The following ZNF573 variants were observed in gnomAD, a reference collection of about 807,000 sequenced individuals.
ZNF573 encodes zinc finger protein 573.
ZNF573 carries 41 observed loss-of-function variants against 57.4 expected under a neutral mutation model. That is an observed-to-expected ratio of 0.71 (90% CI 0.56 to 0.93). ZNF573 has a LOEUF of 0.93. Among genes scored for constraint, ZNF573 ranks in the 40% least tolerant of loss-of-function variants. The pLI, the probability that ZNF573 is intolerant of heterozygous loss-of-function variation, is 0.00. For missense variants in ZNF573, 730 were observed against 794.8 expected, an observed-to-expected ratio of 0.92 and a Z score of 0.98; for synonymous variants, 249 against 261.0, an observed-to-expected ratio of 0.95 and a Z score of 0.44.
chr19:37,750,175 T>C (rs1388459688), intron 4 of ZNF573, among the ~76,000 whole-genome samples: 1 of 151,734 alleles, frequency 6.6e-6, no homozygotes, highest in East Asian at 1.9e-4. Context: ...CTCCGCCTCC[T>C]GGGTTCAAGC....
chr19:37,752,444 C>A (rs2045447280), intron 4 of ZNF573, among the ~76,000 whole-genome samples: 2 of 151,992 alleles, frequency 1.3e-5, no homozygotes. Context: ...AGTATTGATA[C>A]CTCCTATTAT....
In ZNF573 at chr19:37,773,631, A is replaced by G; in HGVS notation, c.69+30T>C. The G allele has an allele frequency of 2.7e-6, 4 of 1,506,070 alleles. No individual in the cohort carries two copies. In the South Asian group the frequency reaches 4.8e-5, roughly 18 times the overall value. The allele number at this position is 1,506,070 out of a possible 1,614,324, so 93.3% of individuals were successfully genotyped here. A position where few individuals can be genotyped will look rare whatever the true frequency, so the allele number is the denominator to read the frequency against. ...CATCCACATAACCTATGATCATGAT[A>G]TTGCAAGGAAACAGAATTAATCAAC... On this transcript the variant is annotated intron_variant, in intron 2 of 4. Coordinates refer to ENST00000536220, the MANE Select transcript of ZNF573 (RefSeq NM_001172690.2).
intron 4 of ZNF573, among the ~76,000 whole-genome samples, chr19:37,760,829 A>G (rs2145311448): frequency 6.6e-6 from 1 of 152,130 alleles, no homozygotes; most frequent in African/African-American, 2.4e-5. Flanking sequence ...CTGAAGAAAA[A>G]AAAAAAAATG....
intron 1 of ZNF573, among the ~76,000 whole-genome samples, chr19:37,777,502 G>T (rs558341940): frequency 1.3e-5 from 2 of 152,268 alleles, no homozygotes; most frequent in South Asian, 4.1e-4. Context: ...GATGCAACCT[G>T]AATGGAGTTG....
chr19:37,761,468 C>A (rs2045552613), intron 4 of ZNF573, among the ~76,000 whole-genome samples: 1 of 152,148 alleles, frequency 6.6e-6, no homozygotes, highest in South Asian at 2.1e-4. Context: ...CAAGGCAAGT[C>A]ATGGAAACCA....
At position 37,771,637 on chromosome 19, in the gene ZNF573, T is replaced by TTC; in HGVS notation, c.127_128dup (p.Tyr44AsnfsTer14). ...AGTCCCTCTGATTAGGGTCCAGGTATTCCCACTCCTGCCGAGAGAAGTCTA... is the reference window on the plus strand; with the variant it reads ...AGTCCCTCTGATTAGGGTCCAGGTATTCTCCCACTCCTGCCGAGAGAAGTCTA... On this transcript the variant is annotated frameshift_variant, in exon 3 of 5. Transcript: ENST00000536220. LOFTEE classifies it high-confidence loss of function. 1 of 1,603,118 alleles carries TTC rather than the reference T, an allele frequency of 6.2e-7. No individual in the cohort carries two copies. Among genetic ancestry groups the TTC allele is most frequent in the Non-Finnish European group, 8.5e-7 (1 of 1,176,416 alleles).
intron 4 of ZNF573, among the ~76,000 whole-genome samples, chr19:37,767,854 C>T (rs1234818273): frequency 6.6e-6 from 1 of 151,898 alleles, no homozygotes; most frequent in Non-Finnish European, 1.5e-5. Context: ...TAGAGACTTG[C>T]GAAAACTTAA....
chr19:37,768,531 T>A (rs1438378009), intron 4 of ZNF573, among the ~76,000 whole-genome samples: 1 of 152,150 alleles, frequency 6.6e-6, no homozygotes, highest in African/African-American at 2.4e-5. Context: ...TTATACCATG[T>A]CTCTTTCCAA....
At chr19:37,745,320 G>A (rs1313075103) in intron 4 of ZNF573, among the ~76,000 whole-genome samples, 1 of 151,746 alleles carries the variant, frequency 6.6e-6, no homozygotes, top group Admixed American at 6.6e-5. Context: ...CAAGTGATTT[G>A]CTTCTGTCTG....
intron 4 of ZNF573, chr19:37,755,313 G>C (rs1315788289): frequency 1.3e-5 from 2 of 152,176 alleles, no homozygotes; most frequent in African/African-American, 4.8e-5. Context: ...TAATTACAAT[G>C]CTTATCTCTG....
intron 3 of ZNF573, among the ~76,000 whole-genome samples, chr19:37,771,100 A>C (rs1181253863): frequency 6.6e-6 from 1 of 151,308 alleles, no homozygotes; most frequent in Admixed American, 6.6e-5. Flanking sequence ...AATATTGTTC[A>C]TCTAATCCAG....
chr19:37,777,738 T>TAAA (rs34200330), intron 1 of ZNF573, among the ~76,000 whole-genome samples: 3 of 108,480 alleles, frequency 2.8e-5, no homozygotes, highest in Non-Finnish European at 5.7e-5. Context: ...GCCTTTGTCA[T>TAAA]AAAAAAAAAA....
In ZNF573 at chr19:37,774,108, C is replaced by CGTTCAAACTAGAA. The variant is rs550559634; in HGVS notation, c.-22-370_-22-358dup. Reference sequence around the variant, plus strand: ...CTTCCAAGGCTGAGAGAGGACTTATCGTTCAAACTAGAAGCTTCTTTTTTT... The same window carrying CGTTCAAACTAGAA: ...CTTCCAAGGCTGAGAGAGGACTTATCGTTCAAACTAGAAGTTCAAACTAGAAGCTTCTTTTTTT... On this transcript the variant is annotated intron_variant, in intron 1 of 4. Transcript: ENST00000536220. Among the ~76,000 whole-genome samples the CGTTCAAACTAGAA allele has an allele frequency of 9.4e-4, 134 of 142,462 alleles. 1 individual carries two copies. Among genetic ancestry groups the CGTTCAAACTAGAA allele is most frequent in the African/African-American group, 3.0e-3 (116 of 38,312 alleles). 93.5% of individuals were successfully genotyped at this position (142,462 alleles called of 152,430 possible). A position where few individuals can be genotyped will look rare whatever the true frequency, so the allele number is the denominator to read the frequency against.
At chr19:37,760,568 A>G (rs968773623) in intron 4 of ZNF573, among the ~76,000 whole-genome samples, 8 of 152,202 alleles carry the variant, frequency 5.3e-5, no homozygotes, top group Admixed American at 4.6e-4. Flanking sequence ...TCAAGCCTGT[A>G]ATCCCAGCAC....
intron 4 of ZNF573, among the ~76,000 whole-genome samples, chr19:37,743,520 A>T (rs746867024): frequency 7.0e-4 from 106 of 152,134 alleles, no homozygotes; most frequent in Non-Finnish European, 1.2e-3. Context: ...GAGAAATAGG[A>T]ATACTTTTAT....
intron 4 of ZNF573, among the ~76,000 whole-genome samples, chr19:37,768,618 C>T (rs2045622905): frequency 6.6e-6 from 1 of 152,186 alleles, no homozygotes; most frequent in South Asian, 2.1e-4. Context: ...TCTACCATTG[C>T]TTATTCCACT....
At chr19:37,761,634 C>CGGAA (rs2045554202) in intron 4 of ZNF573, among the ~76,000 whole-genome samples, 1 of 152,166 alleles carries the variant, frequency 6.6e-6, no homozygotes, top group Admixed American at 6.5e-5. Flanking sequence ...TCCCCCATTC[C>CGGAA]GGAAGGAAGG....
chr19:37,744,819 T>A (rs2045364771), intron 4 of ZNF573, among the ~76,000 whole-genome samples: 1 of 151,484 alleles, frequency 6.6e-6, no homozygotes, highest in Non-Finnish European at 1.5e-5. Flanking sequence ...TCTCGCTCTG[T>A]CTCCTAGGTT....
chr19:37,755,086 C>T (rs960895469), intron 4 of ZNF573: 2 of 152,252 alleles, frequency 1.3e-5, no homozygotes, highest in African/African-American at 4.8e-5. Flanking sequence ...TCTCCTGCCT[C>T]AGCCTCCTGA....
Sources: gnomAD v4.1 joint callset for allele counts (sites outside exome capture counted in the v4.1 genomes callset) on GRCh38, gnomAD v4.1.1 for gene constraint, MANE v1.5 for transcripts, NCBI Gene and HGNC (gene_info 2026-07-23, HGNC 2026-07-21) for gene names.